The following OTOGL variants were observed in gnomAD, a reference collection of about 807,000 sequenced individuals.
The protein encoded by OTOGL is otogelin like.
A neutral mutation model predicts 318.5 loss-of-function variants in OTOGL; 285 were observed. The observed-to-expected ratio is 0.89, with a 90% CI of 0.81 to 0.99. The LOEUF (loss-of-function observed/expected upper bound fraction) is 0.99. Ranked by LOEUF, OTOGL falls within the 50% of genes least tolerant of loss-of-function variation. OTOGL has a pLI of 0.00. For synonymous variants in OTOGL, 987 were observed against 936.5 expected (o/e 1.05, Z -0.99); for missense variants, 2,899 against 2,845.6 (o/e 1.02, Z -0.43).
At chr12:80,327,121 C>A (rs1232303261) in intron 35 of OTOGL, among the ~76,000 whole-genome samples, 1 of 151,958 alleles carries the variant, frequency 6.6e-6, no homozygotes, top group Non-Finnish European at 1.5e-5. Context: ...GTTGGTTGCA[C>A]CTGAAGGATT....
chr12:80,321,625 GTTC>G (rs1210033538), intron 34 of OTOGL, among the ~76,000 whole-genome samples: 1 of 152,016 alleles, frequency 6.6e-6, no homozygotes, highest in African/African-American at 2.4e-5. Flanking sequence ...ATTGAATACA[GTTC>G]TTCTATGCAA....
chr12:80,152,904 G>A (rs949113274), intron 1 of OTOGL, among the ~76,000 whole-genome samples: 1 of 152,160 alleles, frequency 6.6e-6, no homozygotes, highest in Non-Finnish European at 1.5e-5. Context: ...ATGTTGGCCA[G>A]GCAGGTGCCA....
At chr12:80,296,734 C>T in intron 26 of OTOGL, 93 bp from the exon 27 acceptor site, 1 of 981,930 alleles carries the variant, frequency 1.0e-6, no homozygotes, top group South Asian at 3.4e-5. Context: ...CTAATGCAAT[C>T]CATTGTCAAT....
chr12:80,295,157 C>CTCTTTTT (rs1885300256), intron 26 of OTOGL, among the ~76,000 whole-genome samples: 6 of 98,940 alleles, frequency 6.1e-5, no homozygotes, highest in African/African-American at 2.4e-4. Context: ...GATTGCCGAA[C>CTCTTTTT]TTTTTTTTTT....
At chr12:80,182,419 T>A (rs1305322526) in intron 1 of OTOGL, among the ~76,000 whole-genome samples, 1 of 152,206 alleles carries the variant, frequency 6.6e-6, no homozygotes, top group Non-Finnish European at 1.5e-5. Flanking sequence ...TATACCAATT[T>A]GCATCACCAT....
At chr12:80,119,579 A>G (rs1026903089) in intron 1 of OTOGL, among the ~76,000 whole-genome samples, 1 of 152,176 alleles carries the variant, frequency 6.6e-6, no homozygotes, top group African/African-American at 2.4e-5. Flanking sequence ...GCTGTTGTTT[A>G]TAGGAAAGTG....
chr12:80,327,958 CAAAAAAAAAAAAAA>C (rs397687373), intron 35 of OTOGL, among the ~76,000 whole-genome samples: 5 of 30,928 alleles, frequency 1.6e-4, no homozygotes, highest in Non-Finnish European at 1.9e-4. Flanking sequence ...GACTCTGTCT[CAAAAAAAAAAAAAA>C]AAAAAAAAAA....
chr12:80,274,095 C>T (rs1429038370), intron 24 of OTOGL, among the ~76,000 whole-genome samples: 2 of 151,988 alleles, frequency 1.3e-5, no homozygotes, highest in Non-Finnish European at 2.9e-5. Context: ...CTACAATAGT[C>T]ACCAAAAGTT....
intron 1 of OTOGL, among the ~76,000 whole-genome samples, chr12:80,163,119 T>C (rs1274713848): frequency 6.6e-6 from 1 of 152,158 alleles, no homozygotes; most frequent in Non-Finnish European, 1.5e-5. Context: ...AGGAGAGTTT[T>C]TATTTTATTT....
At chr12:80,213,937 G>A (rs1395064445) in intron 4 of OTOGL, among the ~76,000 whole-genome samples, 1 of 152,158 alleles carries the variant, frequency 6.6e-6, no homozygotes, top group Admixed American at 6.6e-5. Flanking sequence ...GCGCAAATAA[G>A]GACTCAGAAA....
chr12:80,130,496 G>T (rs918081052), intron 1 of OTOGL, among the ~76,000 whole-genome samples: 6 of 152,320 alleles, frequency 3.9e-5, no homozygotes, highest in South Asian at 4.1e-4. Context: ...GAAAGAGCAG[G>T]CCAGTGTGAG....
chr12:80,296,185 A>G (rs1364294883), intron 26 of OTOGL, among the ~76,000 whole-genome samples: 1 of 152,252 alleles, frequency 6.6e-6, no homozygotes, highest in Admixed American at 6.5e-5. Context: ...AAAACAGATT[A>G]GGAATTTGAA....
At position 80,335,938 on chromosome 12, in the gene OTOGL, C is replaced by A. The variant is rs566627325; in HGVS notation, c.4423-25C>A. On this transcript the variant is annotated intron_variant, in intron 38 of 58. Coordinates refer to ENST00000547103, the MANE Select transcript of OTOGL (RefSeq NM_001378609.3). ...AAAACATTAGCTGAGAATGAAAAAACCCACTAATCTTTTTTTATTAACAGC... is the reference window on the plus strand; with the variant it reads ...AAAACATTAGCTGAGAATGAAAAAAACCACTAATCTTTTTTTATTAACAGC... 2.2e-5 allele frequency: 33 copies of A among 1,487,434 alleles called. No individual in the cohort carries two copies. In the East Asian group the frequency reaches 2.7e-4, roughly 12 times the overall value. The allele number at this position is 1,487,434 out of a possible 1,614,324, so 92.1% of individuals were successfully genotyped here.
rs910202055 is a variant in OTOGL, at chr12:80,219,874, G to A, written c.296G>A (p.Cys99Tyr). The change falls in exon 6 of 59, where the codon TGT becomes TAT. Residue 99 changes from cysteine (C) to tyrosine (Y), a missense_variant. By Grantham distance (194) the Cys-to-Tyr change is radical. This residue lies in a region of OTOGL where 2,607 missense variants were observed against 2,524.9 expected (regional missense o/e 1.03). Transcript: ENST00000547103. ...TGTTCTAAGACTGGAACATGTGACT[G>A]TCAAATATTTCAGGCTCTTGGGACA... ...AFCSKTGTCD[C>Y]QIFQALGTRC... The A allele has an allele frequency of 6.3e-7, 1 of 1,592,300 alleles. No homozygotes were observed. Among genetic ancestry groups the A allele is most frequent in the Non-Finnish European group, 8.5e-7 (1 of 1,174,728 alleles).
intron 8 of OTOGL, among the ~76,000 whole-genome samples, chr12:80,232,098 A>G (rs1879418946): frequency 6.6e-6 from 1 of 152,194 alleles, no homozygotes; most frequent in African/African-American, 2.4e-5. Context: ...CAGTTACCTT[A>G]TGTCACCCAC....
In OTOGL at chr12:80,320,707, T is replaced by C. The variant is rs1326167421; in HGVS notation, c.4081+7T>C. On this transcript the variant is annotated splice_region_variant and intron_variant, in intron 34 of 58. Transcript: ENST00000547103. ...AGTAGCTTCAGCATAGAAGGTATGT[T>C]TCCTGAGATCTCCAAAAAGAGAACA... 1 of 1,577,738 alleles carries C rather than the reference T, an allele frequency of 6.3e-7. No homozygotes were observed. The highest frequency in any genetic ancestry group is 1.9e-5 in the Admixed American group (1 of 53,612).
intron 8 of OTOGL, 61 bp from the exon 9 acceptor site, chr12:80,232,831 A>T (rs1329099712): frequency 7.4e-7 from 1 of 1,359,266 alleles, no homozygotes; most frequent in Non-Finnish European, 1.0e-6. Context: ...ACTTAAAAAT[A>T]TGTCATCTGT....
chr12:80,131,921 T>G (rs1871264569), intron 1 of OTOGL: 1 of 152,232 alleles, frequency 6.6e-6, no homozygotes, highest in South Asian at 2.1e-4. Context: ...ATATTTTGTA[T>G]TGCTTAAGTA....
intron 1 of OTOGL, among the ~76,000 whole-genome samples, chr12:80,182,787 C>G (rs1036113408): frequency 6.6e-6 from 1 of 152,154 alleles, no homozygotes; most frequent in Non-Finnish European, 1.5e-5. Flanking sequence ...ATAGGGAGTA[C>G]ACATCAGCAG....
Sources: allele counts gnomAD v4.1 joint callset (sites outside exome capture counted in the v4.1 genomes callset), GRCh38; gene constraint gnomAD v4.1.1; regional missense constraint gnomAD v4.1.1; transcripts MANE v1.5; gene names NCBI Gene and HGNC (gene_info 2026-07-23, HGNC 2026-07-21).